The following KDM7A variants were observed in gnomAD, a reference collection of about 807,000 sequenced individuals.
KDM7A encodes the protein lysine-specific demethylase 7A.
In KDM7A, 28 loss-of-function variants were observed where a neutral mutation model predicts 114.8. The observed-to-expected ratio is 0.24, with a 90% CI of 0.18 to 0.33. The LOEUF (loss-of-function observed/expected upper bound fraction) is 0.33. KDM7A is among the 10% of genes least tolerant of loss of function. KDM7A has a pLI of 1.00. For missense variants in KDM7A, 942 were observed against 1,142.5 expected (o/e 0.82, Z 2.53); for synonymous variants, 423 against 397.8 (o/e 1.06, Z -0.75).
At chr7:140,171,632 T>C (rs1794643187) in intron 1 of KDM7A, among the ~76,000 whole-genome samples, 1 of 146,800 alleles carries the variant, frequency 6.8e-6, no homozygotes, top group Non-Finnish European at 1.5e-5. Context: ...TTTATAAATA[T>C]ATATTTATTT....
At chr7:140,143,164 A>G (rs550021409) in intron 1 of KDM7A, among the ~76,000 whole-genome samples, 2 of 148,980 alleles carry the variant, frequency 1.3e-5, no homozygotes, top group Admixed American at 1.3e-4. Context: ...CGGGTGACAG[A>G]GCAAGACCCC....
chr7:140,157,905 G>A (rs1794475936), intron 1 of KDM7A, among the ~76,000 whole-genome samples: 1 of 151,014 alleles, frequency 6.6e-6, no homozygotes, highest in Non-Finnish European at 1.5e-5. Context: ...GGAGGCAGAG[G>A]TTGCAGTGAG....
At chr7:140,154,523 CAAAA>C (rs1041868615) in intron 1 of KDM7A, among the ~76,000 whole-genome samples, 63 of 131,614 alleles carry the variant, frequency 4.8e-4, no homozygotes, top group South Asian at 1.2e-3. Context: ...AAAAAAAAGA[CAAAA>C]AACAGTGTCC....
intron 9 of KDM7A, among the ~76,000 whole-genome samples, chr7:140,116,677 T>A (rs867672880): frequency 6.6e-6 from 1 of 152,164 alleles, no homozygotes; most frequent in Non-Finnish European, 1.5e-5. Flanking sequence ...GTGATCTATA[T>A]AATCAACTAT....
rs1585133698 is a variant in KDM7A at position 140,089,238 on chromosome 7, T to C, written c.*1856A>G. ...TGTTTATAGACACTAAGGATTTCCATAAAAATTCTTTTTCCTGATACCCAG... is the reference window on the plus strand; with the variant it reads ...TGTTTATAGACACTAAGGATTTCCACAAAAATTCTTTTTCCTGATACCCAG... On this transcript the variant is annotated 3_prime_UTR_variant, in exon 20 of 20. Coordinates refer to ENST00000397560, the MANE Select transcript of KDM7A (RefSeq NM_030647.2). The C allele has an allele frequency of 6.6e-6, 1 of 152,294 alleles. No individual in the cohort carries two copies. The highest frequency in any genetic ancestry group is 1.5e-5 in the Non-Finnish European group (1 of 68,006). The allele number at this position is 152,294 out of a possible 1,614,324, so 9.4% of individuals were successfully genotyped here. A position where few individuals can be genotyped will look rare whatever the true frequency, so the allele number is the denominator to read the frequency against.
intron 1 of KDM7A, among the ~76,000 whole-genome samples, chr7:140,153,889 G>A (rs756779295): frequency 6.6e-6 from 1 of 151,962 alleles, no homozygotes; most frequent in African/African-American, 2.4e-5. Flanking sequence ...TCCCACTTTC[G>A]ATTATCTATT....
Position 140,085,166 on chromosome 7 carries a change from T to C in KDM7A, c.*5928A>G, listed in dbSNP as rs999787456. The C allele has an allele frequency of 6.6e-6, 1 of 152,110 alleles. No homozygotes were observed. Among genetic ancestry groups the C allele is most frequent in the African/African-American group, 2.4e-5 (1 of 41,334 alleles). 9.4% of individuals were successfully genotyped at this position (152,110 alleles called of 1,614,324 possible). A position where few individuals can be genotyped will look rare whatever the true frequency, so the allele number is the denominator to read the frequency against. ...GGCTTCCGGACTGAAAGGACACACA[T>C]GTCACACACATTGACTGCCTATACA... On this transcript the variant is annotated 3_prime_UTR_variant, in exon 20 of 20. Coordinates refer to ENST00000397560, the MANE Select transcript of KDM7A (RefSeq NM_030647.2).
Position 140,176,933 on chromosome 7 carries a change from GC to G in KDM7A, c.4del (p.Ala2ProfsTer47). On this transcript the variant is annotated frameshift_variant, in exon 1 of 20. Transcript: ENST00000397560. LOFTEE classifies it high-confidence loss of function. The surrounding 1 kb of genome is among the most constrained non-coding windows in gnomAD (Gnocchi z 4.4). The stretch of plus-strand genomic sequence containing the variant: ...CGCGGCCACCGCCGCCGCCGCTCCG[GC>G]CATCTTTAAAAAACACACACACGCT... MAGAAAAVAAGA... is the reference protein window; with the variant it reads MXGAAAAVAAGA... 1 of 1,156,484 alleles carries G rather than the reference GC, an allele frequency of 8.6e-7. No homozygotes were observed. 71.6% of individuals were successfully genotyped at this position (1,156,484 alleles called of 1,614,324 possible).
chr7:140,123,239 C>T (rs551772859), intron 7 of KDM7A, among the ~76,000 whole-genome samples: 4 of 152,224 alleles, frequency 2.6e-5, no homozygotes, highest in East Asian at 1.9e-4. Flanking sequence ...CTGGTGGTAA[C>T]GTAAAATGGT....
At chr7:140,139,228 T>C (rs1465410641) in intron 1 of KDM7A, 38 bp from the exon 2 acceptor site, 6 of 1,422,312 alleles carry the variant, frequency 4.2e-6, no homozygotes, top group South Asian at 1.2e-5. Context: ...TGTAAGTAAG[T>C]TGAAAATCTT....
intron 1 of KDM7A, among the ~76,000 whole-genome samples, chr7:140,159,889 G>C (rs1562960229): frequency 6.8e-6 from 1 of 147,474 alleles, no homozygotes; most frequent in Non-Finnish European, 1.5e-5. Context: ...TAAGCCTCCT[G>C]CTTTGTATAG....
At chr7:140,102,299 A>C (rs553963058) in intron 11 of KDM7A, 139 bp from the exon 12 acceptor site, 1 of 641,150 alleles carries the variant, frequency 1.6e-6, no homozygotes, top group East Asian at 2.7e-5. Flanking sequence ...CTAAATCCTA[A>C]GCTTCAAACA....
Position 140,102,098 on chromosome 7 carries a change from G to A in KDM7A, c.1491C>T (p.Ser497=), listed in dbSNP as rs772820874. ...GIPIVCPVSR[S]SNEATSPYHS... is the part of the protein sequence containing the mutation. ...GGTATGGGGAAGTTGCTTCATTTGA[G>A]GATCGTGAAACTGGACACACAATAG... The change falls in exon 12 of 20, where the codon TCC becomes TCT. Residue 497 remains serine, a synonymous_variant. Coordinates refer to ENST00000397560, the MANE Select transcript of KDM7A (RefSeq NM_030647.2). 4 of 1,613,872 alleles carry A rather than the reference G, an allele frequency of 2.5e-6. No individual in the cohort carries two copies. The highest frequency in any genetic ancestry group is 3.4e-6 in the Non-Finnish European group (4 of 1,179,912).
At chr7:140,145,320 A>G (rs1794328858) in intron 1 of KDM7A, among the ~76,000 whole-genome samples, 1 of 152,214 alleles carries the variant, frequency 6.6e-6, no homozygotes, top group South Asian at 2.1e-4. Context: ...AGATGTGAAG[A>G]CGGAAGGTAG....
In KDM7A at chr7:140,094,043, AC is replaced by A. The variant is rs1303396470; in HGVS notation, c.2457+12del. The A allele has an allele frequency of 2.0e-6, 3 of 1,487,216 alleles. No homozygotes were observed. The highest frequency in any genetic ancestry group is 2.8e-6 in the Non-Finnish European group (3 of 1,064,522). 92.1% of individuals were successfully genotyped at this position (1,487,216 alleles called of 1,614,324 possible). ...TTTAAATCTCCTTTTAACGTTTCAAACTTTGAATATACCTGAGGATGAAATC... is the reference window on the plus strand; with the variant it reads ...TTTAAATCTCCTTTTAACGTTTCAAATTTGAATATACCTGAGGATGAAATC... On this transcript the variant is annotated intron_variant, in intron 18 of 19. Coordinates refer to ENST00000397560, the MANE Select transcript of KDM7A (RefSeq NM_030647.2).
chr7:140,146,756 A>T (rs1794343734), intron 1 of KDM7A, among the ~76,000 whole-genome samples: 1 of 152,204 alleles, frequency 6.6e-6, no homozygotes, highest in African/African-American at 2.4e-5. Flanking sequence ...TGACAACTTT[A>T]GCACTTTCCA....
rs959890157 is a variant in KDM7A at position 140,089,540 on chromosome 7, T to C, written c.*1554A>G. ...ATATTTCTTCTCCATAAAAATAAAT[T>C]TTATCTATTTGCCTATATTTTCTTT... On this transcript the variant is annotated 3_prime_UTR_variant, in exon 20 of 20. Transcript: ENST00000397560. 2.0e-5 allele frequency: 3 copies of C among 152,102 alleles called. No individual in the cohort carries two copies. The highest frequency in any genetic ancestry group is 2.9e-5 in the Non-Finnish European group (2 of 68,018). 9.4% of individuals were successfully genotyped at this position (152,102 alleles called of 1,614,324 possible). A position where few individuals can be genotyped will look rare whatever the true frequency, so the allele number is the denominator to read the frequency against.
intron 11 of KDM7A, among the ~76,000 whole-genome samples, chr7:140,109,315 G>T (rs1256597591): frequency 6.6e-6 from 1 of 152,232 alleles, no homozygotes; most frequent in Non-Finnish European, 1.5e-5. Context: ...ACCTCAGTTG[G>T]AAATGCAGAA....
chr7:140,089,156 T>C lies in KDM7A; in HGVS notation c.*1938A>G, dbSNP rs1817980006. 6.6e-6 allele frequency: 1 copy of C among 152,138 alleles called. No individual in the cohort carries two copies. The highest frequency in any genetic ancestry group is 2.4e-5 in the African/African-American group (1 of 41,432). The allele number at this position is 152,138 out of a possible 1,614,324, so 9.4% of individuals were successfully genotyped here. A position where few individuals can be genotyped will look rare whatever the true frequency, so the allele number is the denominator to read the frequency against. On this transcript the variant is annotated 3_prime_UTR_variant, in exon 20 of 20. Transcript: ENST00000397560. ...AGATTTTTGACATCCTGAGATAAGATGACTCTACCCATCTTTCCACTGGTT... is the reference window on the plus strand; with the variant it reads ...AGATTTTTGACATCCTGAGATAAGACGACTCTACCCATCTTTCCACTGGTT...
Sources: allele counts gnomAD v4.1 joint callset (sites outside exome capture counted in the v4.1 genomes callset), GRCh38; gene constraint gnomAD v4.1.1; non-coding constraint Gnocchi (gnomAD v3.1); transcripts MANE v1.5; gene names NCBI Gene and HGNC (gene_info 2026-07-23, HGNC 2026-07-21).